Variants in KALRN observed in about 807,000 individuals in gnomAD.
KALRN encodes kalirin.
KALRN carries 70 observed loss-of-function variants against 353.7 expected under a neutral mutation model. That is an observed-to-expected ratio of 0.20 (90% CI 0.16 to 0.24). The LOEUF (loss-of-function observed/expected upper bound fraction) is 0.24. KALRN is among the 10% of genes least tolerant of loss of function. The pLI is 1.00. For missense variants in KALRN, 2,791 were observed against 3,756.7 expected (o/e 0.74, Z 6.72); for synonymous variants, 1,391 against 1,434.8 (o/e 0.97, Z 0.69).
chr3:124,429,717 C>T (rs140972095), intron 15 of KALRN, among the ~76,000 whole-genome samples: 193 of 152,280 alleles, frequency 1.3e-3, no homozygotes, highest in African/African-American at 4.3e-3. Context: ...AATATTCCCT[C>T]GTTGAGTTTT....
intron 1 of KALRN, among the ~76,000 whole-genome samples, chr3:124,115,780 G>T (rs974675164): frequency 6.6e-6 from 1 of 152,128 alleles, no homozygotes; most frequent in Non-Finnish European, 1.5e-5. Flanking sequence ...CAGTTGTCTT[G>T]GGAATGTAGG....
At chr3:124,669,765 A>T (rs1396962568) in intron 47 of KALRN, among the ~76,000 whole-genome samples, 1 of 152,206 alleles carries the variant, frequency 6.6e-6, no homozygotes, top group Non-Finnish European at 1.5e-5. Context: ...CCCTTACATA[A>T]AATGGCATAG....
chr3:124,343,985 A>G (rs1185157307), intron 9 of KALRN, among the ~76,000 whole-genome samples: 1 of 152,242 alleles, frequency 6.6e-6, no homozygotes, highest in East Asian at 1.9e-4. Context: ...GACAAAAACA[A>G]AAAGATAAAA....
At chr3:124,715,967 C>G (rs2063116315) in intron 58 of KALRN, among the ~76,000 whole-genome samples, 1 of 151,912 alleles carries the variant, frequency 6.6e-6, no homozygotes, top group Admixed American at 6.6e-5. Context: ...AATATTCACC[C>G]ACTATATGAT....
At chr3:124,177,302 A>G (rs2072921017) in intron 1 of KALRN, among the ~76,000 whole-genome samples, 1 of 152,348 alleles carries the variant, frequency 6.6e-6, no homozygotes, top group South Asian at 2.1e-4. Flanking sequence ...GTGTGGACTC[A>G]GGCAAAGCCC....
At chr3:124,608,746 A>G (rs530117775) in intron 34 of KALRN, among the ~76,000 whole-genome samples, 29 of 152,328 alleles carry the variant, frequency 1.9e-4, no homozygotes, top group African/African-American at 7.0e-4. Context: ...TGTATTTCCA[A>G]GGTTTAAAGG....
intron 34 of KALRN, among the ~76,000 whole-genome samples, chr3:124,611,649 C>T (rs1041740491): frequency 1.3e-5 from 2 of 152,206 alleles, no homozygotes; most frequent in Non-Finnish European, 2.9e-5. Flanking sequence ...ACCTATGTCA[C>T]ACCCCGGCCC....
At chr3:124,441,156 G>A (rs1221020494) in intron 18 of KALRN, among the ~76,000 whole-genome samples, 1 of 152,152 alleles carries the variant, frequency 6.6e-6, no homozygotes, top group Non-Finnish European at 1.5e-5. Flanking sequence ...ATTTAGATTT[G>A]GAATGTAGGG....
intron 32 of KALRN, among the ~76,000 whole-genome samples, chr3:124,495,965 G>GTATATATATATATATATATATATA (rs768441029): frequency 7.2e-5 from 3 of 41,478 alleles, no homozygotes; most frequent in Non-Finnish European, 1.2e-4. Flanking sequence ...GTGTATGTAT[G>GTATATATATATATATATATATATA]TATATATATA....
chr3:124,305,836 A>C (rs1006884850), intron 6 of KALRN, among the ~76,000 whole-genome samples: 2 of 152,180 alleles, frequency 1.3e-5, no homozygotes, highest in African/African-American at 4.8e-5. Flanking sequence ...AAATTATGAC[A>C]CATGCAAAGA....
chr3:124,080,827 A>G (rs141183900), intron 1 of KALRN, among the ~76,000 whole-genome samples: 164 of 152,324 alleles, frequency 1.1e-3, no homozygotes, highest in African/African-American at 3.6e-3. Flanking sequence ...TTGATCATCT[A>G]TTATAATATT....
chr3:124,477,583 G>C (rs1393285772), intron 27 of KALRN, among the ~76,000 whole-genome samples: 1 of 152,192 alleles, frequency 6.6e-6, no homozygotes, highest in East Asian at 1.9e-4. Flanking sequence ...AACCTAGGAA[G>C]TCATAAAGCA....
At chr3:124,364,622 CTT>C (rs545011952) in intron 10 of KALRN, among the ~76,000 whole-genome samples, 52 of 152,268 alleles carry the variant, frequency 3.4e-4, no homozygotes, top group African/African-American at 1.2e-3. Context: ...TGTGGTGTCT[CTT>C]TTGTCCTAAA....
intron 13 of KALRN, among the ~76,000 whole-genome samples, chr3:124,405,248 T>C (rs2091384863): frequency 6.6e-6 from 1 of 152,228 alleles, no homozygotes; most frequent in African/African-American, 2.4e-5. Flanking sequence ...TCACCTGTTT[T>C]CAGTAGAACT....
intron 5 of KALRN, among the ~76,000 whole-genome samples, chr3:124,287,811 ATATATATATATATATG>A (rs1417927534): frequency 2.3e-3 from 48 of 20,676 alleles, no homozygotes; most frequent in Non-Finnish European, 2.1e-3. Context: ...ATATATATAT[ATATATATATATATATG>A]TATATAATTT....
At chr3:124,182,984 T>C (rs2073806167) in intron 1 of KALRN, among the ~76,000 whole-genome samples, 1 of 152,128 alleles carries the variant, frequency 6.6e-6, no homozygotes, top group Non-Finnish European at 1.5e-5. Context: ...ATATAGGGTG[T>C]TGTGAACTGA....
chr3:124,120,480 A>G (rs1293320053), intron 1 of KALRN, among the ~76,000 whole-genome samples: 2 of 152,178 alleles, frequency 1.3e-5, no homozygotes, highest in Non-Finnish European at 2.9e-5. Flanking sequence ...AGAACTGACC[A>G]TCTTGTTTTC....
chr3:124,407,711 T>G (rs1231320355), intron 13 of KALRN: 1 of 152,170 alleles, frequency 6.6e-6, no homozygotes, highest in Non-Finnish European at 1.5e-5. Context: ...CATCAGCACA[T>G]ACACTAAACT....
chr3:124,530,543 C>A (rs1399164181), intron 33 of KALRN, among the ~76,000 whole-genome samples: 1 of 152,070 alleles, frequency 6.6e-6, no homozygotes, highest in Non-Finnish European at 1.5e-5. Flanking sequence ...AGATGTGTAC[C>A]ACCACACTTA....
Sources: gnomAD v4.1 joint callset for allele counts (sites outside exome capture counted in the v4.1 genomes callset) on GRCh38, gnomAD v4.1.1 for gene constraint, MANE v1.5 for transcripts, NCBI Gene and HGNC (gene_info 2026-07-23, HGNC 2026-07-21) for gene names.